FSD1L: variants seen among roughly 807,000 people sequenced by gnomAD.
FSD1L encodes fibronectin type III and SPRY domain containing 1 like, also known as FSD1-like protein.
A neutral mutation model predicts 71.6 loss-of-function variants in FSD1L; 45 were observed. The observed-to-expected ratio is 0.63, with a 90% CI of 0.49 to 0.81. The LOEUF (loss-of-function observed/expected upper bound fraction) is 0.81, where lower values mean the gene tolerates loss of function less well. Among genes scored for constraint, FSD1L ranks in the 30% least tolerant of loss-of-function variants. FSD1L has a pLI of 0.00. For synonymous variants in FSD1L, 197 were observed against 207.2 expected (o/e 0.95, Z 0.42); for missense variants, 561 against 618.1 (o/e 0.91, Z 0.98).
At chr9:105,513,385 C>T (rs1459942044) in intron 10 of FSD1L, among the ~76,000 whole-genome samples, 1 of 152,120 alleles carries the variant, frequency 6.6e-6, no homozygotes, top group Non-Finnish European at 1.5e-5. Flanking sequence ...TTGTTACTGT[C>T]ATAACTAACT....
At chr9:105,524,493 A>G (rs1835381148) in intron 10 of FSD1L, 1 of 1,613,648 alleles carries the variant, frequency 6.2e-7, no homozygotes, top group Non-Finnish European at 8.5e-7. Flanking sequence ...ATTTCATGCT[A>G]CGGGAGCAGA....
chr9:105,442,505 C>T, the FSD1L span, among the ~76,000 whole-genome samples: 1 of 151,258 alleles, frequency 6.6e-6, no homozygotes, highest in South Asian at 2.1e-4. Flanking sequence ...ATGGTGAAAT[C>T]CCATCTCTAC....
chr9:105,446,565 T>C (rs1194513081), upstream of FSD1L, among the ~76,000 whole-genome samples: 8 of 151,554 alleles, frequency 5.3e-5, no homozygotes, highest in Middle Eastern at 3.2e-3. Flanking sequence ...GAGATGGGGT[T>C]TTGCCATGTT....
At position 105,506,619 on chromosome 9, in the gene FSD1L, T is replaced by C; in HGVS notation, c.796+11T>C. ...AATATACACTATCAGGTAACATGACTGCATTTTAGGACTCTCATTCTCAGA... is the reference window on the plus strand; with the variant it reads ...AATATACACTATCAGGTAACATGACCGCATTTTAGGACTCTCATTCTCAGA... On this transcript the variant is annotated intron_variant, in intron 8 of 13. Transcript: ENST00000481272. 6.8e-7 allele frequency: 1 copy of C among 1,479,056 alleles called. No homozygotes were observed. Among genetic ancestry groups the C allele is most frequent in the Non-Finnish European group, 9.2e-7 (1 of 1,081,114 alleles). 91.6% of individuals were successfully genotyped at this position (1,479,056 alleles called of 1,614,324 possible).
Position 105,549,206 on chromosome 9 carries a change from A to T in FSD1L, c.*2723A>T, listed in dbSNP as rs1837165976. ...ACTATAATGGATATGTCACAGGTAT[A>T]AAACAGTTGTTTTCTAAAAACATGC... On this transcript the variant is annotated 3_prime_UTR_variant, in exon 14 of 14. Transcript: ENST00000481272. 2.0e-5 allele frequency: 3 copies of T among 152,096 alleles called. No individual in the cohort carries two copies. Among genetic ancestry groups the T allele is most frequent in the Non-Finnish European group, 2.9e-5 (2 of 67,944 alleles). The allele number at this position is 152,096 out of a possible 1,614,324, so 9.4% of individuals were successfully genotyped here. A position where few individuals can be genotyped will look rare whatever the true frequency, so the allele number is the denominator to read the frequency against.
chr9:105,534,609 A>T lies in FSD1L; in HGVS notation c.1126+16A>T. ...ACAGTGCTGGGTAGGACAAAACATA[A>T]TTGTTTTTCATTATCTCAGATTAAA... is the stretch of plus-strand genomic sequence containing the variant. On this transcript the variant is annotated intron_variant, in intron 11 of 13. Transcript: ENST00000481272. 1 of 1,360,476 alleles carries T rather than the reference A, an allele frequency of 7.4e-7. No homozygotes were observed. Among genetic ancestry groups the T allele is most frequent in the Non-Finnish European group, 1.0e-6 (1 of 981,018 alleles). The allele number at this position is 1,360,476 out of a possible 1,614,324, so 84.3% of individuals were successfully genotyped here.
At chr9:105,525,853 C>G in intron 10 of FSD1L, 1 of 1,588,290 alleles carries the variant, frequency 6.3e-7, no homozygotes, top group Non-Finnish European at 8.6e-7. Flanking sequence ...ATTGACCACT[C>G]CATATTTTGC....
intron 9 of FSD1L, among the ~76,000 whole-genome samples, chr9:105,509,332 C>T (rs904667396): frequency 1.3e-5 from 2 of 152,180 alleles, no homozygotes; most frequent in African/African-American, 2.4e-5. Flanking sequence ...TGTGCCAGCC[C>T]TTACTATGAG....
At chr9:105,480,668 G>A (rs763955828) in intron 6 of FSD1L, among the ~76,000 whole-genome samples, 1 of 152,056 alleles carries the variant, frequency 6.6e-6, no homozygotes, top group Non-Finnish European at 1.5e-5. Context: ...TATAAATCCT[G>A]GATCTAGAAA....
intron 7 of FSD1L, among the ~76,000 whole-genome samples, chr9:105,490,572 T>G (rs1447805836): frequency 6.2e-5 from 9 of 145,658 alleles, no homozygotes; most frequent in Non-Finnish European, 1.5e-5. Context: ...AGACATGAAG[T>G]CCTTGCCCAT....
chr9:105,464,116 C>A, intron 2 of FSD1L, 120 bp from the exon 3 acceptor site: 1 of 603,676 alleles, frequency 1.7e-6, no homozygotes, highest in Non-Finnish European at 2.9e-6. Context: ...AGAAATTTTA[C>A]ATTGCTCCTA....
chr9:105,535,892 C>T (rs1836235644), intron 12 of FSD1L, among the ~76,000 whole-genome samples: 1 of 152,166 alleles, frequency 6.6e-6, no homozygotes, highest in Admixed American at 6.5e-5. Context: ...AACCGCATCA[C>T]ACTTGAAACG....
intron 7 of FSD1L, among the ~76,000 whole-genome samples, chr9:105,503,028 C>G (rs1437124820): frequency 6.6e-6 from 1 of 151,766 alleles, no homozygotes; most frequent in African/African-American, 2.4e-5. Context: ...CACAGGCATG[C>G]ACCGCCATAC....
chr9:105,452,492 C>T (rs553428052), intron 1 of FSD1L, among the ~76,000 whole-genome samples: 68 of 152,278 alleles, frequency 4.5e-4, no homozygotes, highest in African/African-American at 1.6e-3. Flanking sequence ...ATAGTTTTTT[C>T]ATTACCACGC....
At position 105,479,200 on chromosome 9, in the gene FSD1L, A is replaced by G. The variant is rs1832010692; in HGVS notation, c.442-154A>G. Among the ~76,000 whole-genome samples, 3 of 152,194 alleles carry G rather than the reference A, an allele frequency of 2.0e-5. No homozygotes were observed. The South Asian group carries it at 6.2e-4, about 31-fold the overall frequency. On this transcript the variant is annotated intron_variant, in intron 5 of 13. Coordinates refer to ENST00000481272, the MANE Select transcript of FSD1L (RefSeq NM_001145313.3). The stretch of plus-strand genomic sequence containing the variant: ...CATCACATGAAAGCTTATGTGAACT[A>G]TACACATAAATTTTCTATAGTTTGT...
At chr9:105,522,758 T>C in intron 10 of FSD1L, 1 of 1,608,466 alleles carries the variant, frequency 6.2e-7, no homozygotes, top group Non-Finnish European at 8.5e-7. Flanking sequence ...GTGCTAATGT[T>C]CCTGATCTGA....
chr9:105,447,007 C>T (rs1413011425), upstream of FSD1L, among the ~76,000 whole-genome samples: 1 of 152,078 alleles, frequency 6.6e-6, no homozygotes, highest in Non-Finnish European at 1.5e-5. Flanking sequence ...CGAGCAGGTT[C>T]TAACTCCCCA....
chr9:105,446,714 T>A (rs2131542096), upstream of FSD1L, among the ~76,000 whole-genome samples: 1 of 151,406 alleles, frequency 6.6e-6, no homozygotes, highest in South Asian at 2.1e-4. Flanking sequence ...ACGTTAACTT[T>A]TTTTTTTTTT....
intron 7 of FSD1L, among the ~76,000 whole-genome samples, chr9:105,496,204 T>C (rs977382192): frequency 7.6e-6 from 1 of 130,872 alleles, no homozygotes; most frequent in African/African-American, 3.7e-5. Flanking sequence ...GACTGTAGCT[T>C]TTTTTTTTTT....
Sources: gnomAD v4.1 joint callset for allele counts (sites outside exome capture counted in the v4.1 genomes callset) on GRCh38, gnomAD v4.1.1 for gene constraint, MANE v1.5 for transcripts, NCBI Gene and HGNC (gene_info 2026-07-23, HGNC 2026-07-21) for gene names.